ASCL1: variants seen among roughly 807,000 people sequenced by gnomAD.
ASCL1 encodes the protein achaete-scute family bHLH transcription factor 1, also known as achaete-scute homolog 1.
ASCL1 carries 2 observed loss-of-function variants against 16.1 expected under a neutral mutation model. The observed-to-expected ratio is 0.12, with a 90% CI of 0.05 to 0.39. The LOEUF (loss-of-function observed/expected upper bound fraction) is 0.39. ASCL1 is among the 10% of genes least tolerant of loss of function. The pLI is 0.99. For synonymous variants in ASCL1, 165 were observed against 155.7 expected (o/e 1.06, Z -0.45); for missense variants, 276 against 336.9 (o/e 0.82, Z 1.41).
At position 102,958,913 on chromosome 12, in the gene ASCL1, C is replaced by A; in HGVS notation, c.669C>A (p.Ser223Arg). 1 of 1,613,896 alleles carries A rather than the reference C, an allele frequency of 6.2e-7. No individual in the cohort carries two copies. Among genetic ancestry groups the A allele is most frequent in the Non-Finnish European group, 8.5e-7 (1 of 1,180,042 alleles). The stretch of plus-strand genomic sequence containing the variant: ...ACGAGGGCTCTTACGACCCGCTCAG[C>A]CCCGAGGAGCAGGAGCTTCTCGACT... ...SSDEGSYDPL[S>R]PEEQELLDFT... is the part of the protein sequence containing the mutation. Residue 223 changes from serine to arginine, a missense_variant, in exon 1 of 2, where the codon AGC becomes AGA. Physicochemically the swap from Ser to Arg is moderately radical, Grantham distance 110 (BLOSUM62 -1). Coordinates refer to ENST00000266744, the MANE Select transcript of ASCL1 (RefSeq NM_004316.4).
Position 102,959,005 on chromosome 12 carries a change from A to G in ASCL1, c.*47+3A>G, listed in dbSNP as rs751056404. 3.0e-5 allele frequency: 48 copies of G among 1,612,128 alleles called. No individual in the cohort carries two copies. The South Asian group carries it at 4.8e-4, about 16-fold the overall frequency. ...GTGCGAATGGACTTTGGAAGCAGGT[A>G]GGTTGCATTTTGGGGTGGGCAGGGG... On this transcript the variant is annotated splice_donor_region_variant and intron_variant, in intron 1 of 1. Transcript: ENST00000266744.
At position 102,958,186 on chromosome 12, in the gene ASCL1, G is replaced by A; in HGVS notation, c.-59G>A. On this transcript the variant is annotated 5_prime_UTR_variant, in exon 1 of 2. Coordinates refer to ENST00000266744, the MANE Select transcript of ASCL1 (RefSeq NM_004316.4). ...AGTTCTCTCTGTGTCCCCCTCGCGG[G>A]CCCCGCACCTCGCGTCCCGGATCGC... is the stretch of plus-strand genomic sequence containing the variant. 2.2e-6 allele frequency: 3 copies of A among 1,344,876 alleles called. No individual in the cohort carries two copies. Among genetic ancestry groups the A allele is most frequent in the South Asian group, 3.2e-5 (2 of 61,548 alleles). 83.3% of individuals were successfully genotyped at this position (1,344,876 alleles called of 1,614,324 possible).
Position 102,958,139 on chromosome 12 carries a change from T to C in ASCL1, c.-106T>C. On this transcript the variant is annotated 5_prime_UTR_variant, in exon 1 of 2. Coordinates refer to ENST00000266744, the MANE Select transcript of ASCL1 (RefSeq NM_004316.4). ...CTCCCGCTTCATATTTCCTTTTCTT[T>C]CCCTCTCTGTTCCTGCACCCAAGTT... is the stretch of plus-strand genomic sequence containing the variant. The C allele has an allele frequency of 1.3e-6, 1 of 794,312 alleles. No homozygotes were observed. Among genetic ancestry groups the C allele is most frequent in the Non-Finnish European group, 1.8e-6 (1 of 569,102 alleles). The allele number at this position is 794,312 out of a possible 1,614,324, so 49.2% of individuals were successfully genotyped here. A position where few individuals can be genotyped will look rare whatever the true frequency, so the allele number is the denominator to read the frequency against.
At chr12:102,959,177 G>A (rs1232192371) in intron 1 of ASCL1, among the ~76,000 whole-genome samples, 175 bp downstream of exon 1, 2 of 152,202 alleles carry the variant, frequency 1.3e-5, no homozygotes, top group African/African-American at 4.8e-5. Context: ...CTCTGAAAAT[G>A]GCCTTGCCCA....
chr12:102,959,480 C>T lies in ASCL1; in HGVS notation c.*166C>T, dbSNP rs1421650982. On this transcript the variant is annotated 3_prime_UTR_variant, in exon 2 of 2. Transcript: ENST00000266744. ...AAAGAGAAGAAGAAAAAAACGAAAA[C>T]AGTCAACCAACCCCATCGCCAACTA... 1.3e-5 allele frequency: 2 copies of T among 155,310 alleles called. No individual in the cohort carries two copies. Among genetic ancestry groups the T allele is most frequent in the Non-Finnish European group, 2.8e-5 (2 of 70,256 alleles). The allele number at this position is 155,310 out of a possible 1,614,324, so 9.6% of individuals were successfully genotyped here.
In ASCL1 at chr12:102,958,125, T is replaced by G; in HGVS notation, c.-120T>G. Reference sequence around the variant, plus strand: ...AACTTCCGTCAGGGCTCCCGCTTCATATTTCCTTTTCTTTCCCTCTCTGTT... The same window carrying G: ...AACTTCCGTCAGGGCTCCCGCTTCAGATTTCCTTTTCTTTCCCTCTCTGTT... On this transcript the variant is annotated 5_prime_UTR_variant, in exon 1 of 2. Transcript: ENST00000266744. 2.9e-6 allele frequency: 2 copies of G among 682,924 alleles called. No individual in the cohort carries two copies. The highest frequency in any genetic ancestry group is 4.2e-6 in the Non-Finnish European group (2 of 471,726). 42.3% of individuals were successfully genotyped at this position (682,924 alleles called of 1,614,324 possible).
At position 102,958,435 on chromosome 12, in the gene ASCL1, C is replaced by G. The variant is rs781642776; in HGVS notation, c.191C>G (p.Pro64Arg). The G allele has an allele frequency of 1.9e-6, 3 of 1,539,184 alleles. No homozygotes were observed. Among genetic ancestry groups the G allele is most frequent in the Non-Finnish European group, 2.6e-6 (3 of 1,143,196 alleles). The change falls in exon 1 of 2, where the codon CCG becomes CGG. Residue 64 changes from proline to arginine, a missense_variant. Physicochemically the swap from Pro to Arg is moderately radical, Grantham distance 103. Around this residue, in one of 3 missense-constraint regions of ASCL1, gnomAD observed 178 missense variants for 167.0 expected, o/e 1.07. Coordinates refer to ENST00000266744, the MANE Select transcript of ASCL1 (RefSeq NM_004316.4). The stretch of plus-strand genomic sequence containing the variant: ...CAGCAGCAGCAGCAGCAGCAGGCGC[C>G]GCAGCTGAGACCGGCGGCCGACGGC... ...QQQQQQQQQA[P>R]QLRPAADGQP... is the part of the protein sequence containing the mutation.
At chr12:102,959,263 AT>A in intron 1 of ASCL1, 98 bp from the exon 2 acceptor site, 1 of 433,162 alleles carries the variant, frequency 2.3e-6, no homozygotes, top group Non-Finnish European at 4.3e-6. Context: ...GTTAAAAGAG[AT>A]GTCTACCTGA....
rs963465705 is a variant in ASCL1 at position 102,960,492 on chromosome 12, T to C, written c.*1178T>C. The C allele has an allele frequency of 6.5e-6, 1 of 152,680 alleles. No individual in the cohort carries two copies. The highest frequency in any genetic ancestry group is 2.4e-5 in the African/African-American group (1 of 41,464). 9.5% of individuals were successfully genotyped at this position (152,680 alleles called of 1,614,324 possible). A position where few individuals can be genotyped will look rare whatever the true frequency, so the allele number is the denominator to read the frequency against. On this transcript the variant is annotated 3_prime_UTR_variant, in exon 2 of 2. Transcript: ENST00000266744. ...ACAAACTAGTTTCGTAATAAAACTTTTTCCTTTTTTTAAAATGAAAATAAT... is the reference window on the plus strand; with the variant it reads ...ACAAACTAGTTTCGTAATAAAACTTCTTCCTTTTTTTAAAATGAAAATAAT...
intron 1 of ASCL1, 75 bp downstream of exon 1, chr12:102,959,077 A>C (rs1880037339): frequency 6.9e-7 from 1 of 1,454,386 alleles, no homozygotes; most frequent in Non-Finnish European, 9.4e-7. Context: ...GGAAGTGGGG[A>C]TGTCTCCAAG....
At position 102,959,353 on chromosome 12, in the gene ASCL1, A is replaced by G. The variant is rs2068425670; in HGVS notation, c.*48-9A>G. 4.1e-6 allele frequency: 1 copy of G among 242,016 alleles called. No homozygotes were observed. The highest frequency in any genetic ancestry group is 2.3e-5 in the African/African-American group (1 of 43,730). 15.0% of individuals were successfully genotyped at this position (242,016 alleles called of 1,614,324 possible). On this transcript the variant is annotated splice_polypyrimidine_tract_variant and intron_variant, in intron 1 of 1. Transcript: ENST00000266744. ...ATTAACCTCTCCTGTTCTTTTCCTTATGTTATAGGGTGATCGCACAACCTG... is the reference window on the plus strand; with the variant it reads ...ATTAACCTCTCCTGTTCTTTTCCTTGTGTTATAGGGTGATCGCACAACCTG...
Position 102,958,325 on chromosome 12 carries a change from C to G in ASCL1, c.81C>G (p.Pro27=). The G allele has an allele frequency of 6.8e-7, 1 of 1,472,642 alleles. No individual in the cohort carries two copies. The highest frequency in any genetic ancestry group is 9.0e-7 in the Non-Finnish European group (1 of 1,117,248). 91.2% of individuals were successfully genotyped at this position (1,472,642 alleles called of 1,614,324 possible). The part of the protein sequence containing the change: ...QPQPQQPFLP[P]AACFFATAAA... Reference sequence around the variant, plus strand: ...AGCCCCAGCAGCCCTTCCTGCCGCCCGCAGCCTGTTTCTTTGCCACGGCCG... The same window carrying G: ...AGCCCCAGCAGCCCTTCCTGCCGCCGGCAGCCTGTTTCTTTGCCACGGCCG... Residue 27 remains proline (P), a synonymous_variant, in exon 1 of 2, where the codon CCC becomes CCG. Transcript: ENST00000266744.
At position 102,958,551 on chromosome 12, in the gene ASCL1, C is replaced by G. The variant is rs1880015740; in HGVS notation, c.307C>G (p.Leu103Val). 5 of 1,610,406 alleles carry G rather than the reference C, an allele frequency of 3.1e-6. No individual in the cohort carries two copies. The highest frequency in any genetic ancestry group is 1.3e-5 in the African/African-American group (1 of 74,856). ...CGAACTGATGCGCTGCAAACGCCGG[C>G]TCAACTTCAGCGGCTTTGGCTACAG... ...SPELMRCKRRLNFSGFGYSLP... is the reference protein window; with the variant it reads ...SPELMRCKRRVNFSGFGYSLP... The change falls in exon 1 of 2, where the codon CTC becomes GTC. Residue 103 changes from leucine (L) to valine (V), a missense_variant. By Grantham distance (32) the Leu-to-Val change is conservative. This residue lies in a region of ASCL1 where 178 missense variants were observed against 167.0 expected (regional missense o/e 1.07). Transcript: ENST00000266744.
Position 102,958,182 on chromosome 12 carries a change from G to C in ASCL1, c.-63G>C. 3 of 1,313,476 alleles carry C rather than the reference G, an allele frequency of 2.3e-6. No individual in the cohort carries two copies. The highest frequency in any genetic ancestry group is 3.0e-6 in the Non-Finnish European group (3 of 1,010,164). The allele number at this position is 1,313,476 out of a possible 1,614,324, so 81.4% of individuals were successfully genotyped here. A position where few individuals can be genotyped will look rare whatever the true frequency, so the allele number is the denominator to read the frequency against. ...CCCAAGTTCTCTCTGTGTCCCCCTC[G>C]CGGGCCCCGCACCTCGCGTCCCGGA... On this transcript the variant is annotated 5_prime_UTR_variant, in exon 1 of 2. Coordinates refer to ENST00000266744, the MANE Select transcript of ASCL1 (RefSeq NM_004316.4).
In ASCL1 at chr12:102,958,972, A is replaced by G. The variant is rs768991058; in HGVS notation, c.*17A>G. ...TGGTTCTGAGGGGCTCGGCCTGGTCAGGCCCTGGTGCGAATGGACTTTGGA... is the reference window on the plus strand; with the variant it reads ...TGGTTCTGAGGGGCTCGGCCTGGTCGGGCCCTGGTGCGAATGGACTTTGGA... On this transcript the variant is annotated 3_prime_UTR_variant, in exon 1 of 2. Coordinates refer to ENST00000266744, the MANE Select transcript of ASCL1 (RefSeq NM_004316.4). 1.2e-5 allele frequency: 19 copies of G among 1,613,210 alleles called. No homozygotes were observed. The highest frequency in any genetic ancestry group is 1.6e-4 in the Middle Eastern group (1 of 6,084).
chr12:102,959,677 C>G lies in ASCL1; in HGVS notation c.*363C>G, dbSNP rs944843330. On this transcript the variant is annotated 3_prime_UTR_variant, in exon 2 of 2. Transcript: ENST00000266744. Reference sequence around the variant, plus strand: ...GCTCCTGGCAGAAGGGAGCAGCACACGCGTTATAGTAACTCCCATCACCTC... The same window carrying G: ...GCTCCTGGCAGAAGGGAGCAGCACAGGCGTTATAGTAACTCCCATCACCTC... 2 of 152,278 alleles carry G rather than the reference C, an allele frequency of 1.3e-5. No homozygotes were observed. The highest frequency in any genetic ancestry group is 2.9e-5 in the Non-Finnish European group (2 of 68,150). 9.4% of individuals were successfully genotyped at this position (152,278 alleles called of 1,614,324 possible).
intron 1 of ASCL1, 51 bp from the exon 2 acceptor site, chr12:102,959,311 C>T: frequency 3.1e-6 from 1 of 325,114 alleles, no homozygotes; most frequent in Non-Finnish European, 5.8e-6. Flanking sequence ...CCCTCTACCA[C>T]TAGCCTACAC....
Position 102,957,856 on chromosome 12 carries a change from A to C in ASCL1, c.-389A>C. 1 of 171,768 alleles carries C rather than the reference A, an allele frequency of 5.8e-6. No individual in the cohort carries two copies. The allele number at this position is 171,768 out of a possible 1,614,324, so 10.6% of individuals were successfully genotyped here. A position where few individuals can be genotyped will look rare whatever the true frequency, so the allele number is the denominator to read the frequency against. ...AGAGCGCAGCCTTAGTAGGAGAGGA[A>C]CGCGAGACGCGGCAGAGCGCGTTCA... is the stretch of plus-strand genomic sequence containing the variant. On this transcript the variant is annotated 5_prime_UTR_variant, in exon 1 of 2. Transcript: ENST00000266744. The surrounding 1 kb of genome is among the most constrained non-coding windows in gnomAD (Gnocchi z 4.1).
rs763654104 is a variant in ASCL1, at chr12:102,958,343, CACGGCCGCAGCCGCGGCGGCCGCA to C, written c.100_123del (p.Thr34_Ala41del). On this transcript the variant is annotated inframe_deletion, in exon 1 of 2. Coordinates refer to ENST00000266744, the MANE Select transcript of ASCL1 (RefSeq NM_004316.4). Reference sequence around the variant, plus strand: ...TGCCGCCCGCAGCCTGTTTCTTTGCCACGGCCGCAGCCGCGGCGGCCGCAGCCGCCGCAGCGGCAGCGCAGAGCG... The same window carrying C: ...TGCCGCCCGCAGCCTGTTTCTTTGCCGCCGCCGCAGCGGCAGCGCAGAGCG... 4.1e-6 allele frequency: 6 copies of C among 1,456,882 alleles called. No homozygotes were observed. Among genetic ancestry groups the C allele is most frequent in the East Asian group, 3.0e-5 (1 of 33,522 alleles). The allele number at this position is 1,456,882 out of a possible 1,614,324, so 90.2% of individuals were successfully genotyped here. A position where few individuals can be genotyped will look rare whatever the true frequency, so the allele number is the denominator to read the frequency against.
Sources: allele counts gnomAD v4.1 joint callset (sites outside exome capture counted in the v4.1 genomes callset), GRCh38; gene constraint gnomAD v4.1.1; regional missense constraint gnomAD v4.1.1; non-coding constraint Gnocchi (gnomAD v3.1); transcripts MANE v1.5; gene names NCBI Gene and HGNC (gene_info 2026-07-23, HGNC 2026-07-21).